The following JAK1 variants were observed in gnomAD, a reference collection of about 807,000 sequenced individuals.
JAK1 encodes the protein Janus kinase 1, also known as tyrosine-protein kinase JAK1.
Under a neutral mutation model 136.6 loss-of-function variants are expected in JAK1, and 16 were observed. The ratio of observed to expected loss-of-function variants is 0.12; its 90% confidence interval spans 0.08 to 0.18. The LOEUF (loss-of-function observed/expected upper bound fraction) is 0.18. JAK1 is among the 10% of genes least tolerant of loss of function. The probability of loss-of-function intolerance (pLI) is 1.00; values close to 1 mark genes in which losing one functional copy is unlikely to be tolerated. For missense variants in JAK1, 859 were observed against 1,450.1 expected, an observed-to-expected ratio of 0.59 and a Z score of 6.62; for synonymous variants, 492 against 519.5, an observed-to-expected ratio of 0.95 and a Z score of 0.72.
At chr1:65,032,392 A>ATAC (rs1647031363) in intron 2 of JAK1, among the ~76,000 whole-genome samples, 1 of 152,330 alleles carries the variant, frequency 6.6e-6, no homozygotes, top group African/African-American at 2.4e-5. Flanking sequence ...TGCTCATCAG[A>ATAC]TACTGTCTGA....
At chr1:64,837,456 A>G (rs1399442386) in intron 22 of JAK1, among the ~76,000 whole-genome samples, 1 of 152,120 alleles carries the variant, frequency 6.6e-6, no homozygotes, top group Admixed American at 6.5e-5. Context: ...TGGCCTTCTA[A>G]CCTGGGAACC....
chr1:65,015,407 TA>T, intron 2 of JAK1, among the ~76,000 whole-genome samples: 1 of 152,100 alleles, frequency 6.6e-6, no homozygotes, highest in Middle Eastern at 3.4e-3. Flanking sequence ...TATATACATA[TA>T]AACATGTTAG....
intron 2 of JAK1, among the ~76,000 whole-genome samples, chr1:65,012,721 G>T (rs1358175410): frequency 1.3e-5 from 2 of 150,670 alleles, no homozygotes; most frequent in Non-Finnish European, 3.0e-5. Context: ...GAACCCAGGG[G>T]TTCAAGGCTG....
In JAK1 at chr1:64,844,789, T is replaced by A. The variant is rs2100994574; in HGVS notation, c.2216A>T (p.Asp739Val). 1 of 1,613,932 alleles carries A rather than the reference T, an allele frequency of 6.2e-7. No individual in the cohort carries two copies. The highest frequency in any genetic ancestry group is 2.2e-5 in the East Asian group (1 of 44,860). ...SECGPFIKLS[D>V]PGIPITVLSR... ...CAGCACCGTAATGGGGATGCCGGGG[T>A]CACTGAGCTTGATGAATGGGCCACA... The change falls in exon 16 of 25, where the codon GAC (aspartate) becomes GTC (valine). Residue 739 changes from aspartate to valine, a missense_variant. Coordinates refer to ENST00000342505, the MANE Select transcript of JAK1 (RefSeq NM_002227.4). The surrounding 1 kb of genome is among the most constrained non-coding windows in gnomAD (Gnocchi z 5.7).
At chr1:64,985,979 TATG>T in intron 2 of JAK1, 7 of 1,250,248 alleles carry the variant, frequency 5.6e-6, no homozygotes, top group Non-Finnish European at 2.3e-6. Context: ...TAAATTCCCT[TATG>T]ATCATCTCAG....
chr1:64,989,002 G>GTATATATA (rs57569640), intron 2 of JAK1, among the ~76,000 whole-genome samples: 2,508 of 129,116 alleles, frequency 0.019, 23 homozygotes, highest in Non-Finnish European at 0.03. Flanking sequence ...GTGTGTGTGT[G>GTATATATA]TATATATATA....
chr1:65,031,894 CT>C (rs1647026722), intron 2 of JAK1, among the ~76,000 whole-genome samples: 1 of 151,336 alleles, frequency 6.6e-6, no homozygotes, highest in East Asian at 1.9e-4. Flanking sequence ...AAGAAATGTG[CT>C]TTGTATCTCA....
intron 2 of JAK1, among the ~76,000 whole-genome samples, chr1:64,988,035 TGA>T (rs1646616339): frequency 6.6e-6 from 1 of 152,222 alleles, no homozygotes; most frequent in South Asian, 2.1e-4. Flanking sequence ...TTTAAGAAAG[TGA>T]TATGCTAGAG....
intron 1 of JAK1, among the ~76,000 whole-genome samples, chr1:65,053,571 G>A (rs1273673128): frequency 6.6e-6 from 1 of 151,966 alleles, no homozygotes; most frequent in Admixed American, 6.5e-5. Context: ...GGATAGACAA[G>A]CCAATGTGGT....
At chr1:64,861,222 G>A (rs1292321256) in intron 8 of JAK1, among the ~76,000 whole-genome samples, 1 of 152,128 alleles carries the variant, frequency 6.6e-6, no homozygotes, top group Non-Finnish European at 1.5e-5. Flanking sequence ...TAGCAGACTT[G>A]CTCTAGAAGG....
At chr1:64,983,071 C>T (rs1260393320) in intron 2 of JAK1, among the ~76,000 whole-genome samples, 2 of 152,124 alleles carry the variant, frequency 1.3e-5, no homozygotes, top group African/African-American at 4.8e-5. Flanking sequence ...TTTACTTTAG[C>T]AAGCATTCAG....
chr1:65,043,700 ATTTTTTTTT>A (rs112982943), intron 2 of JAK1, among the ~76,000 whole-genome samples: 25,212 of 101,576 alleles, frequency 0.25, 2,820 homozygotes, highest in Admixed American at 0.34. Flanking sequence ...CACCTGGCTA[ATTTTTTTTT>A]TTTTTTTTTT....
intron 2 of JAK1, among the ~76,000 whole-genome samples, chr1:65,041,157 T>C (rs1249354577): frequency 3.9e-5 from 6 of 152,180 alleles, no homozygotes; most frequent in Admixed American, 2.6e-4. Context: ...CCTGAAGGCC[T>C]GGCTGTCGCA....
At chr1:64,927,442 C>T (rs904835390) in intron 1 of JAK1, among the ~76,000 whole-genome samples, 2 of 152,092 alleles carry the variant, frequency 1.3e-5, no homozygotes, top group Non-Finnish European at 2.9e-5. Flanking sequence ...GGCAAATGAA[C>T]GAATAAATGA....
At chr1:65,050,593 A>G (rs1234096772) in intron 1 of JAK1, among the ~76,000 whole-genome samples, 2 of 152,242 alleles carry the variant, frequency 1.3e-5, no homozygotes, top group Admixed American at 6.5e-5. Flanking sequence ...AGGAGAAGCC[A>G]CTAGAGTGTT....
intron 2 of JAK1, among the ~76,000 whole-genome samples, chr1:65,010,510 A>G (rs1383749156): frequency 6.6e-6 from 1 of 152,234 alleles, no homozygotes; most frequent in Non-Finnish European, 1.5e-5. Context: ...GGCCTCAGTC[A>G]TGCCTTCTGA....
At chr1:64,951,326 A>G (rs12730021) in intron 1 of JAK1, among the ~76,000 whole-genome samples, 99,088 of 152,070 alleles carry the variant, frequency 0.65, 35,818 homozygotes, top group Middle Eastern at 0.88. Context: ...TCCTCTTTCA[A>G]TGTTGCCTGA....
At chr1:64,928,778 C>CAAAAAACAA (rs1553169956) in intron 1 of JAK1, among the ~76,000 whole-genome samples, 1 of 61,126 alleles carries the variant, frequency 1.6e-5, no homozygotes, top group African/African-American at 5.7e-5. Flanking sequence ...TAAAACTCTG[C>CAAAAAACAA]AAAAAAAAAA....
intron 20 of JAK1, 103 bp downstream of exon 20, chr1:64,839,500 C>A: frequency 1.1e-6 from 1 of 936,918 alleles, no homozygotes. Context: ...GCTAGCATGT[C>A]AGACGCCCAG....
Sources: gnomAD v4.1 joint callset for allele counts (sites outside exome capture counted in the v4.1 genomes callset) on GRCh38, gnomAD v4.1.1 for gene constraint, Gnocchi (gnomAD v3.1) non-coding constraint, MANE v1.5 for transcripts, NCBI Gene and HGNC (gene_info 2026-07-23, HGNC 2026-07-21) for gene names.